MYO1E: variants seen among roughly 807,000 people sequenced by gnomAD.
The protein encoded by MYO1E is myosin IE.
MYO1E carries 68 observed loss-of-function variants against 151.1 expected under a neutral mutation model. The observed-to-expected ratio is 0.45, with a 90% CI of 0.37 to 0.55. The LOEUF (loss-of-function observed/expected upper bound fraction) is 0.55. MYO1E is among the 20% of genes least tolerant of loss of function. The pLI is 0.00. For synonymous variants in MYO1E, 601 were observed against 501.7 expected (o/e 1.20, Z -2.64); for missense variants, 1,363 against 1,389.3 (o/e 0.98, Z 0.30).
intron 1 of MYO1E, among the ~76,000 whole-genome samples, chr15:59,327,583 G>C (rs1379647197): frequency 6.6e-5 from 10 of 152,018 alleles, no homozygotes. Flanking sequence ...CAAAAGTATT[G>C]GGATTGCAGG....
At chr15:59,285,710 A>T (rs2080383934) in intron 1 of MYO1E, among the ~76,000 whole-genome samples, 1 of 152,226 alleles carries the variant, frequency 6.6e-6, no homozygotes, top group African/African-American at 2.4e-5. Context: ...TGAATTTTAA[A>T]AATAAAAGTG....
intron 1 of MYO1E, among the ~76,000 whole-genome samples, chr15:59,300,243 C>A (rs996745655): frequency 6.6e-6 from 1 of 152,120 alleles, no homozygotes; most frequent in Non-Finnish European, 1.5e-5. Context: ...TAGGAAAAGG[C>A]TGAAGGGGGT....
intron 1 of MYO1E, among the ~76,000 whole-genome samples, chr15:59,360,696 C>T (rs1415399733): frequency 2.0e-5 from 3 of 152,164 alleles, no homozygotes; most frequent in African/African-American, 7.2e-5. Context: ...CTCATCACTA[C>T]AAAAGGACTT....
intron 26 of MYO1E, among the ~76,000 whole-genome samples, chr15:59,146,721 T>C (rs1375838366): frequency 1.3e-5 from 2 of 148,602 alleles, no homozygotes; most frequent in Non-Finnish European, 3.0e-5. Flanking sequence ...ATTACTTATA[T>C]TGTATATATT....
Position 59,339,686 on chromosome 15 carries a change from A to C in MYO1E, c.3+32812T>G, listed in dbSNP as rs542286857. On this transcript the variant is annotated intron_variant, in intron 1 of 27. Transcript: ENST00000288235. The stretch of plus-strand genomic sequence containing the variant: ...CAACTTCCAATTAAAAGGTCTCCCT[A>C]CTAAGAATTTTAAAAATTCAGTCCA... Among the ~76,000 whole-genome samples, 6 of 152,280 alleles carry C rather than the reference A, an allele frequency of 3.9e-5. No homozygotes were observed. The East Asian group carries it at 1.2e-3, about 29-fold the overall frequency.
chr15:59,282,666 C>A (rs566795791), intron 1 of MYO1E, among the ~76,000 whole-genome samples: 1 of 150,526 alleles, frequency 6.6e-6, no homozygotes, highest in Non-Finnish European at 1.5e-5. Context: ...GACAACATAG[C>A]GAGACCCCAT....
chr15:59,299,473 C>T (rs1289562858), intron 1 of MYO1E, among the ~76,000 whole-genome samples: 1 of 152,170 alleles, frequency 6.6e-6, no homozygotes, highest in Non-Finnish European at 1.5e-5. Flanking sequence ...GTCAACAAAA[C>T]TTATGTTAGG....
intron 1 of MYO1E, among the ~76,000 whole-genome samples, chr15:59,331,626 C>G (rs2080698659): frequency 6.6e-6 from 1 of 152,118 alleles, no homozygotes; most frequent in African/African-American, 2.4e-5. Context: ...TCTACCACTC[C>G]AAAAATACTA....
chr15:59,233,837 C>A (rs1184084573), intron 5 of MYO1E, among the ~76,000 whole-genome samples: 3 of 151,314 alleles, frequency 2.0e-5, no homozygotes, highest in Non-Finnish European at 4.4e-5. Context: ...CCATAAGCTA[C>A]CCCAACTGAG....
At chr15:59,140,319 TTTAG>T (rs1395299248) in intron 26 of MYO1E, among the ~76,000 whole-genome samples, 9 of 152,350 alleles carry the variant, frequency 5.9e-5, no homozygotes, top group African/African-American at 1.9e-4. Context: ...CTTGTTCCTA[TTTAG>T]TGAGATCTTT....
At chr15:59,264,876 T>G (rs1263438340) in intron 2 of MYO1E, 3 of 152,002 alleles carry the variant, frequency 2.0e-5, no homozygotes, top group Non-Finnish European at 2.9e-5. Flanking sequence ...TTTTTAAAAT[T>G]AGCCAAGCAT....
At chr15:59,317,237 C>T (rs1203411966) in intron 1 of MYO1E, among the ~76,000 whole-genome samples, 2 of 152,210 alleles carry the variant, frequency 1.3e-5, no homozygotes, top group Admixed American at 1.3e-4. Flanking sequence ...ATAGAGCTTA[C>T]AGTCCAATAA....
At chr15:59,327,014 C>A (rs1297999303) in intron 1 of MYO1E, among the ~76,000 whole-genome samples, 1 of 152,196 alleles carries the variant, frequency 6.6e-6, no homozygotes, top group Non-Finnish European at 1.5e-5. Context: ...AATCAGGCAC[C>A]TGCACCCAGA....
Position 59,350,758 on chromosome 15 carries a change from T to A in MYO1E, c.3+21740A>T, listed in dbSNP as rs1307621767. 1.3e-5 allele frequency among the ~76,000 whole-genome samples: 2 copies of A among 152,160 alleles called. No individual in the cohort carries two copies. Among genetic ancestry groups the A allele is most frequent in the African/African-American group, 4.8e-5 (2 of 41,438 alleles). On this transcript the variant is annotated intron_variant, in intron 1 of 27. Coordinates refer to ENST00000288235, the MANE Select transcript of MYO1E (RefSeq NM_004998.4). The surrounding 1 kb of genome is among the most constrained non-coding windows in gnomAD (Gnocchi z 5.0). ...AAACAGATAACAATGCAAGATGACA[T>A]AGTTTAGTCACAAATAAATAACTCT...
intron 1 of MYO1E, among the ~76,000 whole-genome samples, chr15:59,334,210 G>T (rs1385210888): frequency 6.6e-6 from 1 of 152,196 alleles, no homozygotes; most frequent in Non-Finnish European, 1.5e-5. Context: ...GAGCCCAGGA[G>T]GTCAAGGCTG....
At chr15:59,366,598 G>T (rs886594583) in intron 1 of MYO1E, among the ~76,000 whole-genome samples, 2 of 152,050 alleles carry the variant, frequency 1.3e-5, no homozygotes, top group African/African-American at 4.8e-5. Flanking sequence ...TCAGAAGGGC[G>T]GGCCAACTTC....
intron 12 of MYO1E, among the ~76,000 whole-genome samples, chr15:59,213,037 G>T (rs1334674297): frequency 6.6e-6 from 1 of 151,998 alleles, no homozygotes; most frequent in East Asian, 1.9e-4. Context: ...AACTGCTACT[G>T]TTTTAAGTCA....
rs1443405388 is a variant in MYO1E, at chr15:59,138,240, G to C, written c.3208C>G (p.Leu1070Val). 4 of 1,614,236 alleles carry C rather than the reference G, an allele frequency of 2.5e-6. No individual in the cohort carries two copies. Among genetic ancestry groups the C allele is most frequent in the Admixed American group, 1.7e-5 (1 of 60,030 alleles). The change falls in exon 27 of 28, where the codon CTC (leucine) becomes GTC (valine). Residue 1070 changes from leucine (L) to valine (V), a missense_variant. Physicochemically the swap from Leu to Val is conservative, Grantham distance 32 (BLOSUM62 1). Coordinates refer to ENST00000288235, the MANE Select transcript of MYO1E (RefSeq NM_004998.4). The part of the protein sequence containing the change: ...YAYDAQDTDE[L>V]SFNANDIIDI... ...ATAATGTCATTGGCATTAAAGCTGA[G>C]TTCGTCTGTGTCCTGAGCGTCATAG...
intron 18 of MYO1E, among the ~76,000 whole-genome samples, chr15:59,184,248 C>A (rs2079682265): frequency 1.3e-5 from 2 of 152,130 alleles, no homozygotes; most frequent in Non-Finnish European, 2.9e-5. Context: ...CTCAAGTGAT[C>A]CACACACCTT....
Sources: gnomAD v4.1 joint callset for allele counts (sites outside exome capture counted in the v4.1 genomes callset) on GRCh38, gnomAD v4.1.1 for gene constraint, Gnocchi (gnomAD v3.1) non-coding constraint, MANE v1.5 for transcripts, NCBI Gene and HGNC (gene_info 2026-07-23, HGNC 2026-07-21) for gene names.